The following TASP1 variants were observed in gnomAD, a reference collection of about 807,000 sequenced individuals.
The protein encoded by TASP1 is threonine aspartase 1.
In TASP1, 16 loss-of-function variants were observed where a neutral mutation model predicts 56.6. The observed-to-expected ratio is 0.28, with a 90% CI of 0.19 to 0.43. The LOEUF is 0.43. Ranked by LOEUF, TASP1 falls within the 20% of genes least tolerant of loss-of-function variation. The pLI, the probability that TASP1 is intolerant of heterozygous loss-of-function variation, is 1.00. For synonymous variants in TASP1, 179 were observed against 184.2 expected (o/e 0.97, Z 0.23); for missense variants, 393 against 511.6 (o/e 0.77, Z 2.24).
the TASP1 span, among the ~76,000 whole-genome samples, chr20:13,341,822 G>C: frequency 1.3e-5 from 2 of 152,200 alleles, no homozygotes; most frequent in Non-Finnish European, 2.9e-5. Flanking sequence ...AACAGCTGTT[G>C]GCTGGCTGTT....
chr20:13,589,115 T>C (rs1037958002), intron 4 of TASP1, among the ~76,000 whole-genome samples: 3 of 147,882 alleles, frequency 2.0e-5, no homozygotes, highest in African/African-American at 7.5e-5. Flanking sequence ...TGGAGTGCAG[T>C]GGTGTGATCT....
intron 7 of TASP1, among the ~76,000 whole-genome samples, chr20:13,566,592 G>A (rs2046537705): frequency 6.6e-6 from 1 of 151,558 alleles, no homozygotes; most frequent in African/African-American, 2.4e-5. Context: ...GTTACAGTCT[G>A]TATGATACCA....
intron 12 of TASP1, among the ~76,000 whole-genome samples, chr20:13,420,796 A>T (rs899747295): frequency 6.6e-6 from 1 of 152,160 alleles, no homozygotes; most frequent in African/African-American, 2.4e-5. Flanking sequence ...GGTTTAAGTC[A>T]TTTTACTAGG....
chr20:13,292,033 T>C, the TASP1 span, among the ~76,000 whole-genome samples: 1 of 152,176 alleles, frequency 6.6e-6, no homozygotes, highest in Admixed American at 6.5e-5. Context: ...TATTAAACAC[T>C]ACGTTCTACT....
At chr20:13,123,755 A>G in the TASP1 span, among the ~76,000 whole-genome samples, 1 of 152,030 alleles carries the variant, frequency 6.6e-6, no homozygotes, top group Non-Finnish European at 1.5e-5. Flanking sequence ...GCATCTATCC[A>G]AATCTCCCCA....
At chr20:13,276,331 G>T in the TASP1 span, among the ~76,000 whole-genome samples, 1 of 152,094 alleles carries the variant, frequency 6.6e-6, no homozygotes, top group Non-Finnish European at 1.5e-5. Context: ...GAATGGTGTG[G>T]GTTTCCCTAT....
chr20:13,491,988 C>A (rs1292666954), intron 10 of TASP1, among the ~76,000 whole-genome samples: 1 of 152,152 alleles, frequency 6.6e-6, no homozygotes, highest in African/African-American at 2.4e-5. Flanking sequence ...CTTATCTGTG[C>A]AGACTTTTTG....
chr20:13,496,894 G>A (rs2146610061), intron 10 of TASP1, among the ~76,000 whole-genome samples: 1 of 152,232 alleles, frequency 6.6e-6, no homozygotes, highest in East Asian at 1.9e-4. Context: ...AAAAAGATAA[G>A]CCTTTCCTAT....
At chr20:13,121,864 C>G in the TASP1 span, among the ~76,000 whole-genome samples, 3 of 152,164 alleles carry the variant, frequency 2.0e-5, no homozygotes, top group Non-Finnish European at 4.4e-5. Flanking sequence ...TTAAAAAGAA[C>G]CAGTGCTGCA....
the TASP1 span, among the ~76,000 whole-genome samples, chr20:13,149,562 A>T: frequency 6.6e-6 from 1 of 152,224 alleles, no homozygotes; most frequent in South Asian, 2.1e-4. Context: ...AACGCAAAAG[A>T]CCTCAAAGGC....
At chr20:13,273,388 C>T in the TASP1 span, among the ~76,000 whole-genome samples, 1 of 151,944 alleles carries the variant, frequency 6.6e-6, no homozygotes, top group Admixed American at 6.6e-5. Flanking sequence ...GTGTGAGCCA[C>T]CATGCCTAGC....
chr20:13,629,648 T>C (rs1357895003), intron 2 of TASP1, among the ~76,000 whole-genome samples: 2 of 152,040 alleles, frequency 1.3e-5, no homozygotes, highest in Non-Finnish European at 2.9e-5. Context: ...AATTACTTTG[T>C]CTGGTTTTAA....
chr20:13,512,717 T>C (rs6074619), intron 10 of TASP1, among the ~76,000 whole-genome samples: 35,175 of 152,044 alleles, frequency 0.23, 4,950 homozygotes, highest in Non-Finnish European at 0.31. Context: ...TTTTCTTATA[T>C]GGTTTTTATG....
At chr20:13,206,445 A>AC in the TASP1 span, among the ~76,000 whole-genome samples, 1 of 152,148 alleles carries the variant, frequency 6.6e-6, no homozygotes, top group Non-Finnish European at 1.5e-5. Context: ...TGACACAAAT[A>AC]CCCCCAAGTT....
chr20:13,352,684 C>T, the TASP1 span, among the ~76,000 whole-genome samples: 141 of 152,180 alleles, frequency 9.3e-4, no homozygotes, highest in African/African-American at 3.2e-3. Context: ...AAAAGCAAAC[C>T]GTGGCATGTT....
intron 10 of TASP1, among the ~76,000 whole-genome samples, chr20:13,527,034 T>C (rs1365141255): frequency 1.3e-5 from 2 of 151,820 alleles, no homozygotes; most frequent in African/African-American, 4.8e-5. Context: ...AGAGAACAGC[T>C]GAAATCATGA....
chr20:13,219,619 GAAAA>G, the TASP1 span, among the ~76,000 whole-genome samples: 49 of 151,914 alleles, frequency 3.2e-4, no homozygotes, highest in Non-Finnish European at 6.5e-4. Flanking sequence ...TAATGAAAAG[GAAAA>G]AATATAGCAG....
chr20:13,609,276 A>T (rs2048265275), intron 4 of TASP1, among the ~76,000 whole-genome samples: 1 of 152,250 alleles, frequency 6.6e-6, no homozygotes, highest in Non-Finnish European at 1.5e-5. Flanking sequence ...TATGACGACA[A>T]AAACAGAAAA....
chr20:13,155,719 G>A, the TASP1 span, among the ~76,000 whole-genome samples: 9 of 152,102 alleles, frequency 5.9e-5, no homozygotes, highest in South Asian at 2.1e-4. Context: ...CCAGCTACTC[G>A]GGAGGCTGAG....
Sources: gnomAD v4.1 joint callset for allele counts (sites outside exome capture counted in the v4.1 genomes callset) on GRCh38, gnomAD v4.1.1 for gene constraint, MANE v1.5 for transcripts, NCBI Gene and HGNC (gene_info 2026-07-23, HGNC 2026-07-21) for gene names.